HPSE2: variants seen among roughly 807,000 people sequenced by gnomAD.
HPSE2 encodes inactive heparanase-2.
A neutral mutation model predicts 60.5 loss-of-function variants in HPSE2; 38 were observed. That is an observed-to-expected ratio of 0.63 (90% confidence interval 0.48 to 0.82). The LOEUF (loss-of-function observed/expected upper bound fraction) is 0.82. Ranked by LOEUF, HPSE2 falls within the 40% of genes least tolerant of loss-of-function variation. HPSE2 has a pLI of 0.00. For missense variants in HPSE2, 713 were observed against 740.4 expected, an observed-to-expected ratio of 0.96 and a Z score of 0.43; for synonymous variants, 295 against 293.2, an observed-to-expected ratio of 1.01 and a Z score of -0.06.
intron 9 of HPSE2, among the ~76,000 whole-genome samples, chr10:98,531,711 T>C (rs1943136443): frequency 6.6e-6 from 1 of 152,208 alleles, no homozygotes; most frequent in South Asian, 2.1e-4. Flanking sequence ...TTTTGACCTC[T>C]ATCCTGTGAC....
chr10:99,086,303 C>G (rs1202400274), intron 3 of HPSE2, among the ~76,000 whole-genome samples: 4 of 150,380 alleles, frequency 2.7e-5, no homozygotes, highest in Non-Finnish European at 5.9e-5. Context: ...TATTATTAAC[C>G]AGCATTAAAC....
intron 6 of HPSE2, among the ~76,000 whole-genome samples, chr10:98,686,558 T>C (rs1196517070): frequency 1.3e-5 from 2 of 152,066 alleles, no homozygotes; most frequent in African/African-American, 2.4e-5. Context: ...CAAGCCACCA[T>C]GCCCAGCAAA....
intron 5 of HPSE2, among the ~76,000 whole-genome samples, chr10:98,708,414 C>T (rs1003710535): frequency 6.6e-6 from 1 of 150,574 alleles, no homozygotes; most frequent in Non-Finnish European, 1.5e-5. Flanking sequence ...CGAGATCACA[C>T]CACTGCACTC....
chr10:99,132,220 AGAGAGAGAGAGAG>A (rs1564833137), intron 3 of HPSE2, among the ~76,000 whole-genome samples: 2 of 35,440 alleles, frequency 5.6e-5, no homozygotes, highest in Non-Finnish European at 1.1e-4. Context: ...AGAGAGAGAG[AGAGAGAGAGAGAG>A]AGAGAGAGAG....
intron 5 of HPSE2, among the ~76,000 whole-genome samples, chr10:98,697,170 G>T (rs1353249541): frequency 2.0e-5 from 3 of 152,192 alleles, no homozygotes; most frequent in Admixed American, 2.0e-4. Flanking sequence ...ATTGACAGAA[G>T]TAGGCTTCAT....
chr10:98,942,275 C>T (rs1198954739), intron 3 of HPSE2, among the ~76,000 whole-genome samples: 1 of 142,876 alleles, frequency 7.0e-6, no homozygotes, highest in Non-Finnish European at 1.5e-5. Context: ...AAAGAAACTA[C>T]CATTAGAGTG....
At chr10:98,647,102 C>G (rs1946790979) in intron 6 of HPSE2, among the ~76,000 whole-genome samples, 1 of 152,216 alleles carries the variant, frequency 6.6e-6, no homozygotes. Context: ...AAGCATCTTA[C>G]TCTTATTTTA....
chr10:98,995,483 A>G (rs1956622736), intron 3 of HPSE2, among the ~76,000 whole-genome samples: 1 of 152,130 alleles, frequency 6.6e-6, no homozygotes, highest in Non-Finnish European at 1.5e-5. Flanking sequence ...TGTCCAGAAA[A>G]ACTTAGTTCA....
intron 3 of HPSE2, among the ~76,000 whole-genome samples, chr10:98,960,726 A>ATTTTTTTTT (rs68091060): frequency 2.9e-5 from 3 of 102,602 alleles, no homozygotes; most frequent in African/African-American, 4.0e-5. Context: ...TTTTTGTTTT[A>ATTTTTTTTT]TTTTTTTTAT....
intron 3 of HPSE2, among the ~76,000 whole-genome samples, chr10:98,957,226 T>C (rs1955532298): frequency 6.6e-6 from 1 of 152,286 alleles, no homozygotes; most frequent in Admixed American, 6.5e-5. Flanking sequence ...AAGCATGCTA[T>C]ATGAAGGATA....
intron 3 of HPSE2, among the ~76,000 whole-genome samples, chr10:98,757,283 G>A (rs1949899998): frequency 6.6e-6 from 1 of 152,010 alleles, no homozygotes; most frequent in Admixed American, 6.6e-5. Context: ...GATAAGAATG[G>A]CCACTCTTAG....
chr10:98,854,642 AG>A (rs1952264014), intron 3 of HPSE2, among the ~76,000 whole-genome samples: 1 of 152,200 alleles, frequency 6.6e-6, no homozygotes, highest in Admixed American at 6.5e-5. Context: ...GCTGCCCTCA[AG>A]GAGTTGAAAT....
chr10:98,539,554 T>C (rs938177764), intron 9 of HPSE2, among the ~76,000 whole-genome samples: 1 of 151,792 alleles, frequency 6.6e-6, no homozygotes, highest in Non-Finnish European at 1.5e-5. Context: ...CAAAAAAGCA[T>C]GTTAACAAAG....
At position 99,173,765 on chromosome 10, in the gene HPSE2, G is replaced by A. The variant is rs371358988; in HGVS notation, c.449-29366C>T. On this transcript the variant is annotated intron_variant, in intron 2 of 11. Coordinates refer to ENST00000370552, the MANE Select transcript of HPSE2 (RefSeq NM_021828.5). ...TCGAGACCAGCCTGGCCAACATGGCGAAACCCGTCTCTACTAAAAGTACAA... is the reference window on the plus strand; with the variant it reads ...TCGAGACCAGCCTGGCCAACATGGCAAAACCCGTCTCTACTAAAAGTACAA... Among the ~76,000 whole-genome samples the A allele has an allele frequency of 7.2e-5, 11 of 151,894 alleles. No homozygotes were observed. In the East Asian group the frequency reaches 7.7e-4, roughly 11 times the overall value.
At chr10:98,767,156 A>C (rs1950137981) in intron 3 of HPSE2, among the ~76,000 whole-genome samples, 1 of 152,178 alleles carries the variant, frequency 6.6e-6, no homozygotes. Context: ...AATAGTGAAA[A>C]ATTGAATGTT....
At chr10:98,558,371 T>C (rs1944074589) in intron 9 of HPSE2, among the ~76,000 whole-genome samples, 1 of 152,172 alleles carries the variant, frequency 6.6e-6, no homozygotes, top group African/African-American at 2.4e-5. Flanking sequence ...TAAATGTCCA[T>C]AAACAATAAA....
At chr10:98,940,589 C>A (rs377255323) in intron 3 of HPSE2, among the ~76,000 whole-genome samples, 72 of 136,874 alleles carry the variant, frequency 5.3e-4, no homozygotes, top group Middle Eastern at 3.6e-3. Context: ...TGGCAATAAT[C>A]AATAGCTTAC....
chr10:98,627,642 G>A (rs974577284), intron 7 of HPSE2, among the ~76,000 whole-genome samples: 3 of 152,116 alleles, frequency 2.0e-5, no homozygotes. Context: ...TTTCTCAGCT[G>A]TAAAATCAGA....
intron 3 of HPSE2, among the ~76,000 whole-genome samples, chr10:98,790,510 G>A (rs974468348): frequency 3.3e-5 from 5 of 152,160 alleles, no homozygotes; most frequent in South Asian, 2.1e-4. Context: ...TGAGGAAAGG[G>A]AATATGTTGA....
Sources: allele counts gnomAD v4.1 joint callset (sites outside exome capture counted in the v4.1 genomes callset), GRCh38; gene constraint gnomAD v4.1.1; transcripts MANE v1.5; gene names NCBI Gene and HGNC (gene_info 2026-07-23, HGNC 2026-07-21).